Variants in SNAP23 observed in about 807,000 individuals in gnomAD.
SNAP23 encodes synaptosomal-associated protein 23.
Under a neutral mutation model 29.0 loss-of-function variants are expected in SNAP23, and 11 were observed. The ratio of observed to expected loss-of-function variants is 0.38; its 90% confidence interval spans 0.24 to 0.63. The LOEUF is 0.63. Ranked by LOEUF, SNAP23 falls within the 20% of genes least tolerant of loss-of-function variation. The pLI is 0.58. For missense variants in SNAP23, 220 were observed against 253.9 expected (o/e 0.87, Z 0.91); for synonymous variants, 60 against 82.9 (o/e 0.72, Z 1.50).
chr15:42,531,612 G>T lies in SNAP23; in HGVS notation c.*134G>T, dbSNP rs564207384. 3.5e-6 allele frequency: 2 copies of T among 576,916 alleles called. No homozygotes were observed. The highest frequency in any genetic ancestry group is 3.0e-5 in the East Asian group (1 of 33,250). The allele number at this position is 576,916 out of a possible 1,614,324, so 35.7% of individuals were successfully genotyped here. A position where few individuals can be genotyped will look rare whatever the true frequency, so the allele number is the denominator to read the frequency against. On this transcript the variant is annotated 3_prime_UTR_variant, in exon 8 of 8. Transcript: ENST00000249647. ...ATAATATGGAAGAAGGGCCAGAGCA[G>T]TTACAGCCCTCCTTCTTTTTTGTTT...
In SNAP23 at chr15:42,515,332, C is replaced by T; in HGVS notation, c.244C>T (p.Leu82Phe). 6.2e-7 allele frequency: 1 copy of T among 1,605,312 alleles called. No individual in the cohort carries two copies. Among genetic ancestry groups the T allele is most frequent in the Non-Finnish European group, 8.5e-7 (1 of 1,173,810 alleles). Residue 82 changes from leucine to phenylalanine, a missense_variant, in exon 5 of 8, where the codon CTT becomes TTT. Leu to Phe is a conservative substitution (Grantham distance 22, BLOSUM62 0). Transcript: ENST00000249647. ...TLTELNKCCG[L>F]CVCPCNRTKN... ...AACAGAACTCAACAAATGCTGTGGC[C>T]TTTGTGTCTGCCCATGTAATAGGTG... is the stretch of plus-strand genomic sequence containing the variant.
At chr15:42,507,761 T>G (rs1320335216) in intron 1 of SNAP23, among the ~76,000 whole-genome samples, 1 of 152,194 alleles carries the variant, frequency 6.6e-6, no homozygotes, top group African/African-American at 2.4e-5. Context: ...CAATAAGAAC[T>G]TGAGGAGTAT....
chr15:42,526,780 A>AT (rs200251102), intron 5 of SNAP23, among the ~76,000 whole-genome samples: 15 of 149,798 alleles, frequency 1.0e-4, no homozygotes, highest in Admixed American at 3.3e-4. Context: ...CGTAACAGCC[A>AT]TTTTTTTTTC....
At chr15:42,514,775 T>C (rs1282305885) in intron 4 of SNAP23, among the ~76,000 whole-genome samples, 3 of 148,940 alleles carry the variant, frequency 2.0e-5, no homozygotes, top group Non-Finnish European at 4.4e-5. Flanking sequence ...CAATCGCAGC[T>C]CACTGCAACC....
chr15:42,519,314 C>CAA (rs1378226568), intron 5 of SNAP23, among the ~76,000 whole-genome samples: 1 of 151,350 alleles, frequency 6.6e-6, no homozygotes, highest in Non-Finnish European at 1.5e-5. Context: ...CTCGGCCTCC[C>CAA]AAAGTGCTGG....
intron 5 of SNAP23, among the ~76,000 whole-genome samples, chr15:42,522,837 C>T (rs2057460673): frequency 1.8e-5 from 2 of 113,666 alleles, no homozygotes; most frequent in African/African-American, 3.3e-5. Context: ...TTACTTAAAA[C>T]TTGCCTTTTT....
intron 5 of SNAP23, among the ~76,000 whole-genome samples, chr15:42,522,328 C>G (rs1005803602): frequency 6.6e-6 from 1 of 152,096 alleles, no homozygotes; most frequent in Non-Finnish European, 1.5e-5. Context: ...TCTATAATTC[C>G]TGTTACATCA....
intron 1 of SNAP23, among the ~76,000 whole-genome samples, chr15:42,503,351 G>A (rs1443138368): frequency 2.0e-5 from 3 of 148,692 alleles, no homozygotes; most frequent in Admixed American, 1.4e-4. Flanking sequence ...ACAGGTGCCC[G>A]CCACCACGCC....
At chr15:42,517,608 C>A (rs118052117) in intron 5 of SNAP23, among the ~76,000 whole-genome samples, 1 of 152,168 alleles carries the variant, frequency 6.6e-6, no homozygotes, top group African/African-American at 2.4e-5. Flanking sequence ...CAAGCATAGG[C>A]AAGCTTTTCT....
upstream of SNAP23, chr15:42,492,983 C>T (rs1466978168): frequency 6.6e-6 from 1 of 152,204 alleles, no homozygotes; most frequent in East Asian, 1.9e-4. Flanking sequence ...GGTTTCTCAA[C>T]TTTGGGATTA....
intron 5 of SNAP23, among the ~76,000 whole-genome samples, chr15:42,520,447 G>A (rs1484094002): frequency 6.6e-6 from 1 of 152,142 alleles, no homozygotes; most frequent in Admixed American, 6.5e-5. Flanking sequence ...AAAATGGGAA[G>A]TCTCAGAATA....
At chr15:42,507,985 G>A (rs578025197) in intron 1 of SNAP23, among the ~76,000 whole-genome samples, 9 of 152,198 alleles carry the variant, frequency 5.9e-5, no homozygotes, top group African/African-American at 2.2e-4. Flanking sequence ...GCCAGGTACG[G>A]TAGCTCATCC....
At chr15:42,504,328 G>A (rs1012243593) in intron 1 of SNAP23, among the ~76,000 whole-genome samples, 11 of 152,102 alleles carry the variant, frequency 7.2e-5, no homozygotes, top group Admixed American at 2.0e-4. Flanking sequence ...GCAACAGAGC[G>A]AGACTCCGTC....
At chr15:42,511,735 G>A (rs772816455) in intron 1 of SNAP23, 98 bp from the exon 2 acceptor site, 7 of 566,900 alleles carry the variant, frequency 1.2e-5, no homozygotes, top group Non-Finnish European at 2.1e-5. Flanking sequence ...TTCCTGATAA[G>A]TTCCTAAATT....
At chr15:42,529,360 T>G (rs1184392331) in intron 6 of SNAP23, among the ~76,000 whole-genome samples, 1 of 152,190 alleles carries the variant, frequency 6.6e-6, no homozygotes, top group Non-Finnish European at 1.5e-5. Flanking sequence ...AGTTTCTGAT[T>G]GAGTAGGTCT....
At chr15:42,518,318 A>T (rs1468169620) in intron 5 of SNAP23, among the ~76,000 whole-genome samples, 1 of 152,096 alleles carries the variant, frequency 6.6e-6, no homozygotes, top group Non-Finnish European at 1.5e-5. Context: ...GGTAGACATG[A>T]GATCTTAGTC....
intron 4 of SNAP23, among the ~76,000 whole-genome samples, chr15:42,514,397 C>T (rs932939193): frequency 2.0e-5 from 3 of 152,106 alleles, no homozygotes; most frequent in South Asian, 2.1e-4. Flanking sequence ...GATCCGCCCA[C>T]GTCGGCCTCC....
intron 1 of SNAP23, among the ~76,000 whole-genome samples, chr15:42,509,399 T>A (rs2057341175): frequency 6.6e-6 from 1 of 152,144 alleles, no homozygotes. Flanking sequence ...TTAAAATGCT[T>A]TTTTTCATGA....
chr15:42,514,215 C>G (rs557512422), intron 4 of SNAP23, among the ~76,000 whole-genome samples: 1 of 151,392 alleles, frequency 6.6e-6, no homozygotes, highest in Non-Finnish European at 1.5e-5. Context: ...GTGGCTTACT[C>G]CAGGATCCTC....
Sources: allele counts gnomAD v4.1 joint callset (sites outside exome capture counted in the v4.1 genomes callset), GRCh38; gene constraint gnomAD v4.1.1; transcripts MANE v1.5; gene names NCBI Gene and HGNC (gene_info 2026-07-23, HGNC 2026-07-21).